POFUT3: variants seen among roughly 807,000 people sequenced by gnomAD.
POFUT3 encodes protein O-fucosyltransferase 3.
the POFUT3 span, among the ~76,000 whole-genome samples, chr8:33,407,898 G>C: frequency 6.7e-6 from 1 of 150,248 alleles, no homozygotes; most frequent in Non-Finnish European, 1.5e-5. Flanking sequence ...AGCTACTCGG[G>C]ATCGGCCTGA....
chr8:33,461,756 C>T, the POFUT3 span: 11 of 918,146 alleles, frequency 1.2e-5, no homozygotes, highest in Middle Eastern at 2.6e-4. Context: ...TTAGCCATAG[C>T]GCAGATTTAA....
At chr8:33,372,628 C>G in the POFUT3 span, 3 of 1,613,894 alleles carry the variant, frequency 1.9e-6, no homozygotes. Flanking sequence ...AGTTTTGATT[C>G]CTATCAACCA....
the POFUT3 span, among the ~76,000 whole-genome samples, chr8:33,404,851 C>T: frequency 4.6e-5 from 7 of 152,052 alleles, no homozygotes; most frequent in Non-Finnish European, 7.4e-5. Flanking sequence ...TACACTTGCG[C>T]CCCATAAATT....
the POFUT3 span, among the ~76,000 whole-genome samples, chr8:33,428,127 A>G: frequency 6.6e-6 from 1 of 152,258 alleles, no homozygotes; most frequent in African/African-American, 2.4e-5. Context: ...CGTCTCAAAA[A>G]GAAAAAAAAA....
At chr8:33,436,642 G>T in the POFUT3 span, 1 of 869,986 alleles carries the variant, frequency 1.1e-6, no homozygotes, top group Admixed American at 1.8e-5. Context: ...CTAGAAGAGT[G>T]AGCGAATCTC....
At chr8:33,358,407 A>C in the POFUT3 span, among the ~76,000 whole-genome samples, 1 of 152,242 alleles carries the variant, frequency 6.6e-6, no homozygotes, top group South Asian at 2.1e-4. Context: ...TGTGTAAAAA[A>C]TACGTGCAAT....
chr8:33,350,046 T>G, the POFUT3 span, among the ~76,000 whole-genome samples: 1 of 152,334 alleles, frequency 6.6e-6, no homozygotes, highest in Middle Eastern at 3.4e-3. Context: ...TGATATTTAG[T>G]TATGTTGAGC....
At chr8:33,369,815 A>G in the POFUT3 span, among the ~76,000 whole-genome samples, 1 of 152,312 alleles carries the variant, frequency 6.6e-6, no homozygotes, top group South Asian at 2.1e-4. Context: ...TCTATTACTA[A>G]CAATGATAAT....
chr8:33,365,391 A>G, the POFUT3 span, among the ~76,000 whole-genome samples: 40 of 152,236 alleles, frequency 2.6e-4, no homozygotes, highest in Non-Finnish European at 5.6e-4. Context: ...ATGGCAACAA[A>G]AGCCAAAATA....
At chr8:33,338,640 C>T in the POFUT3 span, among the ~76,000 whole-genome samples, 1 of 152,150 alleles carries the variant, frequency 6.6e-6, no homozygotes, top group Admixed American at 6.5e-5. Flanking sequence ...AATGAAATCA[C>T]CCCCATTGCA....
At chr8:33,464,363 G>A in the POFUT3 span, among the ~76,000 whole-genome samples, 2 of 152,034 alleles carry the variant, frequency 1.3e-5, no homozygotes, top group African/African-American at 4.8e-5. Flanking sequence ...ACAGGCAGGC[G>A]CTCATTCAAT....
chr8:33,356,233 T>C, the POFUT3 span, among the ~76,000 whole-genome samples: 3 of 152,246 alleles, frequency 2.0e-5, no homozygotes, highest in Non-Finnish European at 4.4e-5. Flanking sequence ...TCTAGATCCC[T>C]GAGGAATCGC....
the POFUT3 span, among the ~76,000 whole-genome samples, chr8:33,464,370 C>T: frequency 1.3e-5 from 2 of 152,150 alleles, no homozygotes; most frequent in Non-Finnish European, 2.9e-5. Flanking sequence ...GGCGCTCATT[C>T]AATCCTCCCA....
chr8:33,392,513 A>C, the POFUT3 span, among the ~76,000 whole-genome samples: 1 of 152,028 alleles, frequency 6.6e-6, no homozygotes, highest in Non-Finnish European at 1.5e-5. Context: ...GGGGACGCAG[A>C]GGTTGCAGTG....
the POFUT3 span, chr8:33,372,923 A>C: frequency 3.4e-6 from 3 of 874,062 alleles, no homozygotes; most frequent in Non-Finnish European, 5.3e-6. Context: ...AGGGGAAAGA[A>C]AGCATCTCAC....
chr8:33,351,361 T>C, the POFUT3 span, among the ~76,000 whole-genome samples: 1 of 152,268 alleles, frequency 6.6e-6, no homozygotes, highest in Admixed American at 6.5e-5. Flanking sequence ...GTGTTGGAGG[T>C]GAGGCCTAAT....
At chr8:33,443,515 A>G in the POFUT3 span, among the ~76,000 whole-genome samples, 33 of 152,026 alleles carry the variant, frequency 2.2e-4, no homozygotes, top group Non-Finnish European at 4.0e-4. Context: ...TTTTTTTGAG[A>G]CAAAGTCTGG....
chr8:33,404,903 A>C, the POFUT3 span, among the ~76,000 whole-genome samples: 1 of 152,172 alleles, frequency 6.6e-6, no homozygotes, highest in Non-Finnish European at 1.5e-5. Context: ...CAACAACAAA[A>C]AAAGAAGCAG....
the POFUT3 span, among the ~76,000 whole-genome samples, chr8:33,412,401 G>A: frequency 3.3e-5 from 5 of 152,068 alleles, no homozygotes; most frequent in Admixed American, 1.3e-4. Context: ...CAACTACTGC[G>A]CCACCAAGGA....
Sources: allele counts gnomAD v4.1 joint callset (sites outside exome capture counted in the v4.1 genomes callset), GRCh38; gene constraint gnomAD v4.1.1; transcripts MANE v1.5; gene names NCBI Gene and HGNC (gene_info 2026-07-23, HGNC 2026-07-21).